Variants in PDK1 observed in about 807,000 individuals in gnomAD.
PDK1 encodes the protein [Pyruvate dehydrogenase (acetyl-transferring)] kinase isozyme 1, mitochondrial.
In PDK1, 39 loss-of-function variants were observed where a neutral mutation model predicts 54.2. The ratio of observed to expected loss-of-function variants is 0.72; its 90% CI spans 0.56 to 0.94. The LOEUF (loss-of-function observed/expected upper bound fraction) is 0.94. Among genes scored for constraint, PDK1 ranks in the 40% least tolerant of loss-of-function variants. PDK1 has a pLI of 0.00. For synonymous variants in PDK1, 221 were observed against 207.1 expected, an observed-to-expected ratio of 1.07 and a Z score of -0.58; for missense variants, 552 against 566.0, an observed-to-expected ratio of 0.98 and a Z score of 0.25.
intron 9 of PDK1, among the ~76,000 whole-genome samples, chr2:172,591,927 A>G (rs563143994): frequency 2.0e-5 from 3 of 152,308 alleles, no homozygotes; most frequent in Admixed American, 6.5e-5. Flanking sequence ...TTATTAGGCA[A>G]TTTTCCTAAC....
At chr2:172,592,323 C>T (rs1003091027) in intron 9 of PDK1, among the ~76,000 whole-genome samples, 11 of 152,098 alleles carry the variant, frequency 7.2e-5, no homozygotes, top group African/African-American at 2.2e-4. Flanking sequence ...GACTTCTTTG[C>T]CTCTCTCTTT....
chr2:172,632,991 A>AAAAAAAAAAAAAAAAACAAAAAAC, the PDK1 span, among the ~76,000 whole-genome samples: 8 of 147,584 alleles, frequency 5.4e-5, no homozygotes, highest in African/African-American at 2.1e-4. Flanking sequence ...AAAAAAAAAA[A>AAAAAAAAAAAAAAAAACAAAAAAC]AAGGAACATA....
the PDK1 span, among the ~76,000 whole-genome samples, chr2:172,638,247 A>G: frequency 6.6e-6 from 1 of 151,274 alleles, no homozygotes; most frequent in African/African-American, 2.5e-5. Context: ...ACATTTTATT[A>G]TCATGAATGA....
chr2:172,700,022 C>T, the PDK1 span, among the ~76,000 whole-genome samples: 4 of 152,144 alleles, frequency 2.6e-5, no homozygotes, highest in Non-Finnish European at 4.4e-5. Context: ...GCCCTTAATC[C>T]ATTTAACCCT....
the PDK1 span, among the ~76,000 whole-genome samples, chr2:172,637,740 G>C: frequency 3.1e-3 from 465 of 152,202 alleles, 2 homozygotes; most frequent in Non-Finnish European, 4.0e-3. Flanking sequence ...CTGTCGTCCA[G>C]GCTAGAGTGT....
the PDK1 span, among the ~76,000 whole-genome samples, chr2:172,635,350 C>G: frequency 6.6e-6 from 1 of 152,194 alleles, no homozygotes; most frequent in African/African-American, 2.4e-5. Context: ...GAGTCTTGCT[C>G]TGTTGCCCAG....
chr2:172,612,475 T>A (rs547139761), downstream of PDK1, among the ~76,000 whole-genome samples: 1 of 148,802 alleles, frequency 6.7e-6, no homozygotes, highest in African/African-American at 2.5e-5. Context: ...AGAAGGTTTG[T>A]TTTTTTTTTA....
chr2:172,699,994 C>T, the PDK1 span, among the ~76,000 whole-genome samples: 5 of 152,150 alleles, frequency 3.3e-5, no homozygotes, highest in African/African-American at 1.2e-4. Flanking sequence ...ATCTGTTTAA[C>T]AAAGCACATC....
At chr2:172,567,120 G>T (rs2149218090) in intron 6 of PDK1, among the ~76,000 whole-genome samples, 187 bp downstream of exon 6, 1 of 152,278 alleles carries the variant, frequency 6.6e-6, no homozygotes, top group African/African-American at 2.4e-5. Context: ...TTTATGAAAA[G>T]ATTTGGCTTT....
the PDK1 span, among the ~76,000 whole-genome samples, chr2:172,638,167 A>C: frequency 1.3e-5 from 2 of 152,214 alleles, no homozygotes; most frequent in Non-Finnish European, 1.5e-5. Flanking sequence ...CCCAAGAAAG[A>C]AACACCATGG....
rs1690925945 is a variant in PDK1 at position 172,596,942 on chromosome 2, T to C, written c.*973T>C. 1 of 152,172 alleles carries C rather than the reference T, an allele frequency of 6.6e-6. No individual in the cohort carries two copies. The highest frequency in any genetic ancestry group is 2.4e-5 in the African/African-American group (1 of 41,436). The allele number at this position is 152,172 out of a possible 1,614,324, so 9.4% of individuals were successfully genotyped here. ...TGACACAGCATTTGCTAAAGTAACA[T>C]CTGTAGGTTTTGGTTTCCACCTATT... On this transcript the variant is annotated 3_prime_UTR_variant, in exon 11 of 11. Transcript: ENST00000282077.
chr2:172,614,589 GC>G, the PDK1 span, among the ~76,000 whole-genome samples: 1 of 152,210 alleles, frequency 6.6e-6, no homozygotes, highest in African/African-American at 2.4e-5. Flanking sequence ...TGAATGACTT[GC>G]CTGCAGAGAG....
chr2:172,718,037 G>T, the PDK1 span, among the ~76,000 whole-genome samples: 1 of 152,198 alleles, frequency 6.6e-6, no homozygotes, highest in South Asian at 2.1e-4. Context: ...AAGGGTAAAT[G>T]AAATCTGCTG....
In PDK1 at chr2:172,556,144, ACT is replaced by A; in HGVS notation, c.-5_-4del. ...TACTGGCTGTGGCTTCTCTAGCGGG[ACT>A]CGGCATGAGGCTGGCGCGGCTGCTT... On this transcript the variant is annotated 5_prime_UTR_variant, in exon 1 of 11. Coordinates refer to ENST00000282077, the MANE Select transcript of PDK1 (RefSeq NM_002610.5). 7.1e-7 allele frequency: 1 copy of A among 1,406,730 alleles called. No individual in the cohort carries two copies. Among genetic ancestry groups the A allele is most frequent in the Non-Finnish European group, 9.2e-7 (1 of 1,086,980 alleles). The allele number at this position is 1,406,730 out of a possible 1,614,324, so 87.1% of individuals were successfully genotyped here. A position where few individuals can be genotyped will look rare whatever the true frequency, so the allele number is the denominator to read the frequency against.
chr2:172,564,857 A>T, intron 4 of PDK1, 121 bp from the exon 5 acceptor site: 1 of 870,874 alleles, frequency 1.1e-6, no homozygotes, highest in Non-Finnish European at 1.8e-6. Context: ...AATGTAAAAT[A>T]CTATGTTTAT....
the PDK1 span, among the ~76,000 whole-genome samples, chr2:172,720,711 T>C: frequency 1.3e-5 from 2 of 152,202 alleles, no homozygotes; most frequent in Non-Finnish European, 2.9e-5. Flanking sequence ...CTTCCAATAA[T>C]GACAAGGTTT....
At chr2:172,623,729 T>C in the PDK1 span, among the ~76,000 whole-genome samples, 1 of 152,148 alleles carries the variant, frequency 6.6e-6, no homozygotes, top group Non-Finnish European at 1.5e-5. Flanking sequence ...AGTAAAACCA[T>C]GTTGTTTCAA....
chr2:172,562,738 C>T (rs1250987901), intron 3 of PDK1: 1 of 1,512,246 alleles, frequency 6.6e-7, no homozygotes, highest in Non-Finnish European at 9.2e-7. Context: ...TTTTAAAACA[C>T]AGAAGGCCTA....
intron 3 of PDK1, 33 bp from the exon 4 acceptor site, chr2:172,564,470 T>G: frequency 1.3e-6 from 2 of 1,554,542 alleles, no homozygotes; most frequent in Non-Finnish European, 1.8e-6. Flanking sequence ...CTTGTCAAAA[T>G]ATTTGGCTGT....
Sources: allele counts gnomAD v4.1 joint callset (sites outside exome capture counted in the v4.1 genomes callset), GRCh38; gene constraint gnomAD v4.1.1; transcripts MANE v1.5; gene names NCBI Gene and HGNC (gene_info 2026-07-23, HGNC 2026-07-21).